LRBA: variants seen among roughly 807,000 people sequenced by gnomAD.
LRBA encodes LPS responsive beige-like anchor protein, also known as lipopolysaccharide-responsive and beige-like anchor protein.
A neutral mutation model predicts 330.0 loss-of-function variants in LRBA; 176 were observed. The ratio of observed to expected loss-of-function variants is 0.53; its 90% CI spans 0.47 to 0.60. The LOEUF is 0.60. Among genes scored for constraint, LRBA ranks in the 20% least tolerant of loss-of-function variants. The pLI, the probability that LRBA is intolerant of heterozygous loss-of-function variation, is 0.00. For missense variants in LRBA, 3,259 were observed against 3,444.8 expected (o/e 0.95, Z 1.35); for synonymous variants, 1,230 against 1,193.0 (o/e 1.03, Z -0.64).
chr4:150,946,853 A>G (rs769612450), intron 2 of LRBA, among the ~76,000 whole-genome samples: 5 of 151,798 alleles, frequency 3.3e-5, no homozygotes, highest in Non-Finnish European at 7.4e-5. Flanking sequence ...AAAAGCAGCA[A>G]GAAATAAGAC....
chr4:150,411,745 G>A (rs1331705679), intron 47 of LRBA, among the ~76,000 whole-genome samples: 2 of 152,240 alleles, frequency 1.3e-5, no homozygotes, highest in East Asian at 3.9e-4. Context: ...CTGCCTGACG[G>A]GCTGCAGGAA....
At chr4:150,786,254 CTTT>C (rs34501190) in intron 34 of LRBA, among the ~76,000 whole-genome samples, 3 of 137,098 alleles carry the variant, frequency 2.2e-5, no homozygotes, top group Admixed American at 7.4e-5. Context: ...TTTTGCATTT[CTTT>C]TTTTTTTTTT....
intron 34 of LRBA, among the ~76,000 whole-genome samples, chr4:150,786,654 T>C (rs1482693852): frequency 6.6e-6 from 1 of 152,168 alleles, no homozygotes; most frequent in Non-Finnish European, 1.5e-5. Context: ...AGGACCATTT[T>C]CCACCATCCA....
At chr4:150,413,982 G>A (rs1175257690) in intron 47 of LRBA, among the ~76,000 whole-genome samples, 1 of 151,920 alleles carries the variant, frequency 6.6e-6, no homozygotes, top group South Asian at 2.1e-4. Context: ...GAAACTTTGT[G>A]AGAATCTTTA....
At chr4:150,982,185 C>T (rs901400895) in intron 2 of LRBA, among the ~76,000 whole-genome samples, 24 of 151,954 alleles carry the variant, frequency 1.6e-4, no homozygotes, top group African/African-American at 5.8e-4. Flanking sequence ...AGATGAGAGA[C>T]AGTAGTATGA....
intron 17 of LRBA, among the ~76,000 whole-genome samples, chr4:150,881,049 C>G (rs953050946): frequency 6.6e-6 from 1 of 152,104 alleles, no homozygotes; most frequent in Non-Finnish European, 1.5e-5. Context: ...CTGATTCTGG[C>G]AAAGCTGCAG....
At chr4:150,866,666 T>C (rs1390657533) in intron 22 of LRBA, among the ~76,000 whole-genome samples, 3 of 152,202 alleles carry the variant, frequency 2.0e-5, no homozygotes, top group Non-Finnish European at 4.4e-5. Context: ...TCTAGGAATA[T>C]ATGCAGAAAA....
intron 36 of LRBA, among the ~76,000 whole-genome samples, chr4:150,693,590 G>A (rs1035302562): frequency 2.1e-5 from 2 of 93,748 alleles, no homozygotes; most frequent in Non-Finnish European, 5.6e-5. Context: ...AAAAAAATTG[G>A]GCAAGAAATT....
intron 36 of LRBA, among the ~76,000 whole-genome samples, chr4:150,709,944 G>A (rs150720757): frequency 1.4e-3 from 209 of 151,950 alleles, no homozygotes; most frequent in African/African-American, 4.8e-3. Flanking sequence ...AATGGAGAAT[G>A]AGGTTTTGTG....
At position 150,450,841 on chromosome 4, in the gene LRBA, C is replaced by A. The variant is rs537718200; in HGVS notation, c.6781-13977G>T. 4.6e-5 allele frequency among the ~76,000 whole-genome samples: 7 copies of A among 152,238 alleles called. No individual in the cohort carries two copies. The South Asian group carries it at 1.0e-3, about 23-fold the overall frequency. On this transcript the variant is annotated intron_variant, in intron 44 of 56. Transcript: ENST00000651943. ...CTTGAGGCCAGGAGTTTGAGACCAGCCTGGCCAACACGGCAAAACCTGTCT... is the reference window on the plus strand; with the variant it reads ...CTTGAGGCCAGGAGTTTGAGACCAGACTGGCCAACACGGCAAAACCTGTCT...
chr4:150,419,633 CTTTTTTTTTT>C (rs780382905), intron 46 of LRBA, among the ~76,000 whole-genome samples: 3 of 96,990 alleles, frequency 3.1e-5, no homozygotes, highest in African/African-American at 1.2e-4. Context: ...CTGATAATAT[CTTTTTTTTTT>C]TTTTTTTTTT....
At chr4:150,716,882 T>A (rs916149217) in intron 36 of LRBA, among the ~76,000 whole-genome samples, 1 of 152,224 alleles carries the variant, frequency 6.6e-6, no homozygotes, top group East Asian at 1.9e-4. Flanking sequence ...GTTATTGTTA[T>A]GAAACCTGGG....
chr4:150,365,610 G>A (rs1404238402), intron 47 of LRBA, among the ~76,000 whole-genome samples: 1 of 151,868 alleles, frequency 6.6e-6, no homozygotes, highest in Non-Finnish European at 1.5e-5. Context: ...TGACCAACAT[G>A]GAGAAACCCC....
chr4:150,897,721 T>G lies in LRBA; in HGVS notation c.2004+18A>C. 1.3e-6 allele frequency: 2 copies of G among 1,550,178 alleles called. No homozygotes were observed. Among genetic ancestry groups the G allele is most frequent in the Non-Finnish European group, 1.8e-6 (2 of 1,122,862 alleles). On this transcript the variant is annotated intron_variant, in intron 15 of 56. Transcript: ENST00000651943. ...CTTCAATACACGGTATGCTATGGAATAAGCAACGTGAACTCACCTTCATCA... is the reference window on the plus strand; with the variant it reads ...CTTCAATACACGGTATGCTATGGAAGAAGCAACGTGAACTCACCTTCATCA...
At chr4:150,692,958 A>C (rs964680606) in intron 36 of LRBA, among the ~76,000 whole-genome samples, 1 of 152,224 alleles carries the variant, frequency 6.6e-6, no homozygotes, top group African/African-American at 2.4e-5. Context: ...TGTACGCCAG[A>C]CATATAAAAT....
At chr4:150,436,028 A>C (rs780903278) in intron 45 of LRBA, among the ~76,000 whole-genome samples, 4 of 152,176 alleles carry the variant, frequency 2.6e-5, no homozygotes, top group African/African-American at 7.2e-5. Context: ...GGAATAGTCC[A>C]GTATGTAGTT....
intron 37 of LRBA, among the ~76,000 whole-genome samples, chr4:150,613,896 G>A (rs1025651784): frequency 1.3e-5 from 2 of 152,130 alleles, no homozygotes; most frequent in African/African-American, 4.8e-5. Context: ...GAGAGGAAGG[G>A]AAAACTCTGA....
Position 150,852,073 on chromosome 4 carries a change from T to C in LRBA, c.3637A>G (p.Lys1213Glu). 6.2e-7 allele frequency: 1 copy of C among 1,614,160 alleles called. No individual in the cohort carries two copies. Among genetic ancestry groups the C allele is most frequent in the East Asian group, 2.2e-5 (1 of 44,870 alleles). ...TCTCTAGTGAGGTTAGTTGCTTTCTTCCCTTCCTCCAGCATCTGACCAAGG... is the reference window on the plus strand; with the variant it reads ...TCTCTAGTGAGGTTAGTTGCTTTCTCCCCTTCCTCCAGCATCTGACCAAGG... ...SDLGQMLEEG[K>E]KATNLTRETK... Residue 1213 changes from lysine to glutamate, a missense_variant, in exon 23 of 57, where the codon AAG becomes GAG. Lys to Glu is a moderately conservative substitution (Grantham distance 56). Transcript: ENST00000651943.
At chr4:150,643,933 C>G (rs1461938696) in intron 37 of LRBA, among the ~76,000 whole-genome samples, 1 of 151,916 alleles carries the variant, frequency 6.6e-6, no homozygotes, top group Admixed American at 6.6e-5. Context: ...AAGCAGAGTA[C>G]GTGGTGCTCT....
Sources: allele counts gnomAD v4.1 joint callset (sites outside exome capture counted in the v4.1 genomes callset), GRCh38; gene constraint gnomAD v4.1.1; transcripts MANE v1.5; gene names NCBI Gene and HGNC (gene_info 2026-07-23, HGNC 2026-07-21).